Variants in CAPRIN2 observed in about 807,000 individuals in gnomAD.
CAPRIN2 encodes caprin-2.
Under a neutral mutation model 130.4 loss-of-function variants are expected in CAPRIN2, and 66 were observed. The ratio of observed to expected loss-of-function variants is 0.51; its 90% CI spans 0.42 to 0.62. The LOEUF (loss-of-function observed/expected upper bound fraction) is 0.62, where lower values mean the gene tolerates loss of function less well. Among genes scored for constraint, CAPRIN2 ranks in the 20% least tolerant of loss-of-function variants. CAPRIN2 has a pLI of 0.00. For missense variants in CAPRIN2, 1,185 were observed against 1,246.6 expected (o/e 0.95, Z 0.74); for synonymous variants, 471 against 444.1 (o/e 1.06, Z -0.76).
intron 2 of CAPRIN2, among the ~76,000 whole-genome samples, chr12:30,748,391 A>C (rs1353984238): frequency 1.3e-5 from 2 of 152,244 alleles, no homozygotes; most frequent in African/African-American, 2.4e-5. Context: ...ACCAGCAAAA[A>C]GATTACAACT....
At chr12:30,716,335 T>C (rs1164073737) in intron 13 of CAPRIN2, 173 bp downstream of exon 15, 1 of 568,582 alleles carries the variant, frequency 1.8e-6, no homozygotes, top group East Asian at 3.2e-5. Context: ...ATAGGTAAAC[T>C]TAACACAAAA....
At chr12:30,751,244 A>G (rs1379728260) in intron 1 of CAPRIN2, 111 bp from the exon 3 acceptor site, 26 of 820,246 alleles carry the variant, frequency 3.2e-5, no homozygotes, top group South Asian at 2.2e-4. Flanking sequence ...TAAGCTATCA[A>G]TCTGCAAGAC....
At chr12:30,744,385 T>C (rs2139347579) in intron 2 of CAPRIN2, among the ~76,000 whole-genome samples, 1 of 152,306 alleles carries the variant, frequency 6.6e-6, no homozygotes, top group Middle Eastern at 3.4e-3. Context: ...TGGGAAAAAG[T>C]AATTTTCAAA....
At position 30,730,298 on chromosome 12, in the gene CAPRIN2, G is replaced by A. The variant is rs781270066; in HGVS notation, c.1061-16C>T. 1 of 1,588,032 alleles carries A rather than the reference G, an allele frequency of 6.3e-7. No homozygotes were observed. The highest frequency in any genetic ancestry group is 1.1e-5 in the South Asian group (1 of 90,380). On this transcript the variant is annotated splice_polypyrimidine_tract_variant and intron_variant, in intron 6 of 16. Transcript: ENST00000298892. ...ATTAGAGACTCTGGGATGATAAAAA[G>A]AATCTGAATAAATACTAGGTGAACT...
chr12:30,731,138 T>TA (rs2062536750), intron 6 of CAPRIN2, among the ~76,000 whole-genome samples: 1 of 152,206 alleles, frequency 6.6e-6, no homozygotes, highest in African/African-American at 2.4e-5. Flanking sequence ...TACAAATTAA[T>TA]ATTTCTAATA....
chr12:30,724,738 C>T (rs940537544), intron 9 of CAPRIN2, among the ~76,000 whole-genome samples: 2 of 152,070 alleles, frequency 1.3e-5, no homozygotes, highest in South Asian at 2.1e-4. Context: ...CACCTGTAAC[C>T]CCAGCACTCT....
At chr12:30,747,304 G>C (rs2139590345) in intron 2 of CAPRIN2, among the ~76,000 whole-genome samples, 1 of 152,296 alleles carries the variant, frequency 6.6e-6, no homozygotes, top group South Asian at 2.1e-4. Flanking sequence ...ACAAATCAAT[G>C]ATGTTTTCAT....
intron 2 of CAPRIN2, among the ~76,000 whole-genome samples, chr12:30,745,340 TAA>T (rs2069518123): frequency 6.6e-6 from 1 of 152,220 alleles, no homozygotes; most frequent in Admixed American, 6.5e-5. Context: ...ATTTAAATTA[TAA>T]AGTTATATTA....
intron 6 of CAPRIN2, among the ~76,000 whole-genome samples, chr12:30,731,091 T>C (rs1270793023): frequency 1.3e-5 from 2 of 152,198 alleles, no homozygotes; most frequent in African/African-American, 2.4e-5. Context: ...ATTCCATAAA[T>C]GGCTCCTTTT....
chr12:30,732,730 C>CT (rs924594606), intron 5 of CAPRIN2, among the ~76,000 whole-genome samples: 2 of 151,916 alleles, frequency 1.3e-5, no homozygotes, highest in African/African-American at 4.8e-5. Flanking sequence ...AGTTCCGTCC[C>CT]TTTTTTATTG....
Position 30,728,942 on chromosome 12 carries a change from CA to C in CAPRIN2, c.1487del (p.Leu496ArgfsTer64). 1 of 1,614,170 alleles carries C rather than the reference CA, an allele frequency of 6.2e-7. No homozygotes were observed. The highest frequency in any genetic ancestry group is 1.1e-5 in the South Asian group (1 of 91,080). On this transcript the variant is annotated frameshift_variant, in exon 8 of 17. Transcript: ENST00000298892. LOFTEE classifies it high-confidence loss of function. ...GTTCTTTCTGCAGCTGAACTGGCCA[CA>C]GCTTTGGTGTCTCCTGTTTCTTTTG...
chr12:30,717,309 A>C (rs918180743), intron 12 of CAPRIN2, among the ~76,000 whole-genome samples: 4 of 152,242 alleles, frequency 2.6e-5, no homozygotes, highest in Admixed American at 1.3e-4. Flanking sequence ...CATTATGCAA[A>C]GTGCAGTAAG....
chr12:30,727,177 T>C (rs1309028265), intron 8 of CAPRIN2, among the ~76,000 whole-genome samples: 8 of 152,182 alleles, frequency 5.3e-5, no homozygotes, highest in Non-Finnish European at 1.0e-4. Flanking sequence ...CTTTGAGATA[T>C]TAAATTGGGT....
chr12:30,730,324 G>C (rs780235848), intron 6 of CAPRIN2, 42 bp from the exon 8 acceptor site: 3 of 1,404,022 alleles, frequency 2.1e-6, no homozygotes, highest in East Asian at 2.3e-5. Context: ...TAGGTGAACT[G>C]TAAGTTTTTA....
chr12:30,709,607 G>C, exon 17 of CAPRIN2: 1 of 243,778 alleles, frequency 4.1e-6, no homozygotes, highest in South Asian at 1.0e-4. Context: ...GCCTGGACTT[G>C]AGGCAGTCAG....
chr12:30,739,639 C>T (rs1234476819), intron 3 of CAPRIN2, among the ~76,000 whole-genome samples: 3 of 151,080 alleles, frequency 2.0e-5, no homozygotes, highest in Non-Finnish European at 2.9e-5. Context: ...CGCGTGAACC[C>T]GGGAGGCGGA....
intron 8 of CAPRIN2, 118 bp downstream of exon 9, chr12:30,728,529 TG>T: frequency 1.3e-6 from 1 of 787,856 alleles, no homozygotes; most frequent in Non-Finnish European, 1.9e-6. Context: ...CACTCCAGCC[TG>T]GGTAACAGAG....
At chr12:30,754,572 G>T, upstream of CAPRIN2, 1 of 152,388 alleles carries the variant, frequency 6.6e-6, no homozygotes, top group South Asian at 2.1e-4. Context: ...AAGGCCCCGG[G>T]GGAGGCTGAC....
intron 2 of CAPRIN2, 65 bp downstream of exon 3, chr12:30,751,006 A>G: frequency 8.5e-7 from 1 of 1,173,206 alleles, no homozygotes; most frequent in South Asian, 1.2e-5. Context: ...ATCGCACTAA[A>G]TCCATGTAGT....
Sources: gnomAD v4.1 joint callset for allele counts (sites outside exome capture counted in the v4.1 genomes callset) on GRCh38, gnomAD v4.1.1 for gene constraint, MANE v1.5 for transcripts, NCBI Gene and HGNC (gene_info 2026-07-23, HGNC 2026-07-21) for gene names.